The following CADPS2 variants were observed in gnomAD, a reference collection of about 807,000 sequenced individuals.
CADPS2 encodes calcium-dependent secretion activator 2.
A neutral mutation model predicts 172.5 loss-of-function variants in CADPS2; 93 were observed. The observed-to-expected ratio is 0.54, with a 90% CI of 0.46 to 0.64. The LOEUF (loss-of-function observed/expected upper bound fraction) is 0.64. Among genes scored for constraint, CADPS2 ranks in the 30% least tolerant of loss-of-function variants. CADPS2 has a pLI of 0.00. For missense variants in CADPS2, 1,420 were observed against 1,565.9 expected (o/e 0.91, Z 1.57); for synonymous variants, 546 against 555.2 (o/e 0.98, Z 0.23).
intron 1 of CADPS2, among the ~76,000 whole-genome samples, chr7:122,869,089 T>C (rs1426842121): frequency 6.6e-6 from 1 of 151,948 alleles, no homozygotes; most frequent in Non-Finnish European, 1.5e-5. Context: ...AAACTATGCA[T>C]TATCAGAGTA....
intron 14 of CADPS2, among the ~76,000 whole-genome samples, chr7:122,459,241 C>T (rs1268509435): frequency 6.6e-6 from 1 of 151,608 alleles, no homozygotes; most frequent in Non-Finnish European, 1.5e-5. Context: ...TATGGATGTG[C>T]CATAATTAAT....
At chr7:122,692,824 C>G (rs185274043) in intron 2 of CADPS2, among the ~76,000 whole-genome samples, 1 of 151,644 alleles carries the variant, frequency 6.6e-6, no homozygotes, top group East Asian at 1.9e-4. Flanking sequence ...ACAGCTCTCA[C>G]GCACTGTTCT....
intron 3 of CADPS2, among the ~76,000 whole-genome samples, chr7:122,659,934 A>G (rs2080329414): frequency 6.6e-6 from 1 of 152,170 alleles, no homozygotes; most frequent in Non-Finnish European, 1.5e-5. Flanking sequence ...CAAAGAAGAA[A>G]CAAGGACTTT....
intron 8 of CADPS2, among the ~76,000 whole-genome samples, chr7:122,546,313 C>T (rs1420510065): frequency 1.3e-5 from 2 of 152,068 alleles, no homozygotes; most frequent in South Asian, 4.1e-4. Flanking sequence ...ATTAACAACG[C>T]CCCATTCAAG....
chr7:122,578,960 G>A (rs1052897970), intron 7 of CADPS2, among the ~76,000 whole-genome samples: 2 of 152,032 alleles, frequency 1.3e-5, no homozygotes, highest in African/African-American at 4.8e-5. Flanking sequence ...CTAGGTCACA[G>A]GCTTATTTAA....
At position 122,490,035 on chromosome 7, in the gene CADPS2, T is replaced by C. The variant is rs771630225; in HGVS notation, c.1852+46A>G. On this transcript the variant is annotated intron_variant, in intron 11 of 29. Coordinates refer to ENST00000449022, the MANE Select transcript of CADPS2 (RefSeq NM_017954.11). ...ACATTTGCCTCAATTTTATATCTTATTAAGGCTATTAATTGATAATCAAAT... is the reference window on the plus strand; with the variant it reads ...ACATTTGCCTCAATTTTATATCTTACTAAGGCTATTAATTGATAATCAAAT... 7 of 1,522,288 alleles carry C rather than the reference T, an allele frequency of 4.6e-6. No homozygotes were observed. The South Asian group carries it at 5.7e-5, about 12-fold the overall frequency. 94.3% of individuals were successfully genotyped at this position (1,522,288 alleles called of 1,614,324 possible). A position where few individuals can be genotyped will look rare whatever the true frequency, so the allele number is the denominator to read the frequency against.
At chr7:122,697,755 CA>C in intron 2 of CADPS2, 1 of 1,483,262 alleles carries the variant, frequency 6.7e-7, no homozygotes, top group South Asian at 1.4e-5. Context: ...ATTTCACATA[CA>C]GGTTTAATAC....
intron 25 of CADPS2, among the ~76,000 whole-genome samples, chr7:122,372,036 T>C (rs1423840787): frequency 6.6e-6 from 1 of 152,184 alleles, no homozygotes; most frequent in Admixed American, 6.5e-5. Context: ...TGGCCACTGT[T>C]CTAAGACTCT....
chr7:122,561,146 T>C (rs975610235), intron 7 of CADPS2, among the ~76,000 whole-genome samples: 4 of 152,174 alleles, frequency 2.6e-5, no homozygotes, highest in African/African-American at 4.8e-5. Flanking sequence ...CTCTTTTGTA[T>C]ACTGAAAGAT....
chr7:122,786,490 A>G (rs931684606), intron 1 of CADPS2, among the ~76,000 whole-genome samples: 5 of 152,164 alleles, frequency 3.3e-5, no homozygotes, highest in African/African-American at 4.8e-5. Context: ...CTCTTCTACC[A>G]TTTGTCAATA....
chr7:122,384,907 C>T (rs1226054221), intron 24 of CADPS2, among the ~76,000 whole-genome samples: 1 of 151,988 alleles, frequency 6.6e-6, no homozygotes, highest in Non-Finnish European at 1.5e-5. Context: ...GCAGTGACAA[C>T]AAATCTGTTC....
intron 2 of CADPS2, among the ~76,000 whole-genome samples, chr7:122,675,429 C>T (rs2082287176): frequency 6.6e-6 from 1 of 152,180 alleles, no homozygotes; most frequent in South Asian, 2.1e-4. Flanking sequence ...CCTTTCATTT[C>T]CAGTTATTTT....
chr7:122,645,714 G>GA (rs1192631242), intron 3 of CADPS2, among the ~76,000 whole-genome samples: 4 of 129,312 alleles, frequency 3.1e-5, no homozygotes, highest in Non-Finnish European at 4.8e-5. Context: ...AGATCCACTG[G>GA]AAAAAAACTG....
intron 28 of CADPS2, among the ~76,000 whole-genome samples, chr7:122,343,200 T>G (rs2037048969): frequency 6.6e-6 from 1 of 152,182 alleles, no homozygotes; most frequent in Non-Finnish European, 1.5e-5. Flanking sequence ...AATAAAAATG[T>G]GCAATTTAAA....
chr7:122,580,588 T>C (rs962327524), intron 7 of CADPS2, among the ~76,000 whole-genome samples: 4 of 152,172 alleles, frequency 2.6e-5, no homozygotes, highest in African/African-American at 9.7e-5. Context: ...TTAATGCTTT[T>C]ACTGACAGCA....
At chr7:122,606,837 G>A (rs1190035297) in intron 6 of CADPS2, among the ~76,000 whole-genome samples, 2 of 152,092 alleles carry the variant, frequency 1.3e-5, no homozygotes, top group Admixed American at 6.6e-5. Context: ...TAAGCAGAAA[G>A]AGGACACACA....
rs750065788 is a variant in CADPS2 at position 122,452,338 on chromosome 7, CAAAAT to C, written c.2187-868_2187-864del. On this transcript the variant is annotated intron_variant, in intron 14 of 29. Transcript: ENST00000449022. ...AAAACCTGTTTATATATTTTAATAA[CAAAAT>C]AAACCTTTTGCACTTGATAATTAAC... Among the ~76,000 whole-genome samples the C allele has an allele frequency of 6.0e-4, 92 of 152,250 alleles. 1 individual carries two copies. Among genetic ancestry groups the C allele is most frequent in the Non-Finnish European group, 1.9e-4 (13 of 68,022 alleles).
At chr7:122,817,872 TCTTATCTCTGCGCCCCAATCC>T (rs1272350909) in intron 1 of CADPS2, among the ~76,000 whole-genome samples, 3 of 149,284 alleles carry the variant, frequency 2.0e-5, no homozygotes, top group Non-Finnish European at 3.0e-5. Flanking sequence ...TGCCCCGACC[TCTTATCTCTGCGCCCCAATCC>T]CTTATCTCTG....
intron 2 of CADPS2, among the ~76,000 whole-genome samples, chr7:122,679,786 A>G (rs553941168): frequency 1.3e-5 from 2 of 152,280 alleles, no homozygotes; most frequent in African/African-American, 4.8e-5. Context: ...GAACATAGCA[A>G]AGGACCCACA....
Sources: gnomAD v4.1 joint callset for allele counts (sites outside exome capture counted in the v4.1 genomes callset) on GRCh38, gnomAD v4.1.1 for gene constraint, MANE v1.5 for transcripts, NCBI Gene and HGNC (gene_info 2026-07-23, HGNC 2026-07-21) for gene names.